The following MACROD2 variants were observed in gnomAD, a reference collection of about 807,000 sequenced individuals.
The protein encoded by MACROD2 is ADP-ribose glycohydrolase MACROD2.
MACROD2 carries 36 observed loss-of-function variants against 70.4 expected under a neutral mutation model. The ratio of observed to expected loss-of-function variants is 0.51; its 90% CI spans 0.39 to 0.68. MACROD2 has a LOEUF of 0.68. Among genes scored for constraint, MACROD2 ranks in the 30% least tolerant of loss-of-function variants. The pLI, the probability that MACROD2 is intolerant of heterozygous loss-of-function variation, is 0.00. For missense variants in MACROD2, 496 were observed against 538.4 expected, an observed-to-expected ratio of 0.92 and a Z score of 0.78; for synonymous variants, 172 against 178.8, an observed-to-expected ratio of 0.96 and a Z score of 0.30.
At chr20:14,381,825 T>A (rs948649753) in intron 3 of MACROD2, among the ~76,000 whole-genome samples, 3 of 152,130 alleles carry the variant, frequency 2.0e-5, no homozygotes, top group East Asian at 1.9e-4. Context: ...TTGATAACAC[T>A]CTCTGCCTTG....
chr20:15,328,975 C>T lies in MACROD2; in HGVS notation c.540+98914C>T, dbSNP rs111900688. Among the ~76,000 whole-genome samples, 925 of 151,984 alleles carry T rather than the reference C, an allele frequency of 6.1e-3. 11 individuals carry two copies. Among genetic ancestry groups the T allele is most frequent in the African/African-American group, 0.021 (871 of 41,432 alleles). On this transcript the variant is annotated intron_variant, in intron 6 of 17. Coordinates refer to ENST00000684519, the MANE Select transcript of MACROD2 (RefSeq NM_001351661.2). ...CAGCGATGAAGAAATGGTTAAAATACTATGGTGTATTTATAAGGTAAAACA... is the reference window on the plus strand; with the variant it reads ...CAGCGATGAAGAAATGGTTAAAATATTATGGTGTATTTATAAGGTAAAACA...
At chr20:14,576,396 A>G (rs1980602899) in intron 4 of MACROD2, among the ~76,000 whole-genome samples, 3 of 152,310 alleles carry the variant, frequency 2.0e-5, no homozygotes, top group African/African-American at 7.2e-5. Context: ...GGAAGCCCTT[A>G]TGAGAGCCCC....
intron 8 of MACROD2, among the ~76,000 whole-genome samples, chr20:15,573,360 A>G (rs899539353): frequency 7.2e-5 from 11 of 152,190 alleles, no homozygotes; most frequent in African/African-American, 2.2e-4. Flanking sequence ...GTTCATTGTA[A>G]GAAGGGCTGG....
At chr20:15,850,083 C>T (rs1283336496) in intron 8 of MACROD2, among the ~76,000 whole-genome samples, 1 of 152,078 alleles carries the variant, frequency 6.6e-6, no homozygotes, top group Non-Finnish European at 1.5e-5. Flanking sequence ...GATATCTGAC[C>T]AATTTTCTCC....
At chr20:14,058,933 C>A (rs1348306033) in intron 2 of MACROD2, among the ~76,000 whole-genome samples, 1 of 152,100 alleles carries the variant, frequency 6.6e-6, no homozygotes, top group Admixed American at 6.6e-5. Context: ...TGAGCCACTG[C>A]GTCTGGCCTG....
chr20:15,981,339 G>C (rs1164468466), intron 13 of MACROD2, among the ~76,000 whole-genome samples: 1 of 152,112 alleles, frequency 6.6e-6, no homozygotes, highest in Non-Finnish European at 1.5e-5. Flanking sequence ...TACAGTTTTT[G>C]CTTTAGACAA....
At chr20:14,693,192 G>T (rs1932953) in intron 5 of MACROD2, among the ~76,000 whole-genome samples, 28,875 of 152,104 alleles carry the variant, frequency 0.19, 3,062 homozygotes, top group Non-Finnish European at 0.24. Context: ...CACAGTGGGG[G>T]TAATCAGCCT....
intron 7 of MACROD2, among the ~76,000 whole-genome samples, chr20:15,442,290 C>A (rs959901086): frequency 1.3e-5 from 2 of 152,070 alleles, no homozygotes; most frequent in African/African-American, 4.8e-5. Flanking sequence ...GTGAACAAGA[C>A]CATATTAGTT....
intron 3 of MACROD2, among the ~76,000 whole-genome samples, chr20:14,440,406 C>T (rs6033962): frequency 0.02 from 3,080 of 151,810 alleles, 109 homozygotes; most frequent in African/African-American, 0.07. Context: ...GTATTTTATG[C>T]GTGGCCCAAG....
intron 5 of MACROD2, among the ~76,000 whole-genome samples, chr20:14,885,891 C>T (rs1182705901): frequency 6.6e-6 from 1 of 152,172 alleles, no homozygotes; most frequent in African/African-American, 2.4e-5. Flanking sequence ...TATTCATTCA[C>T]AGAGTATTCA....
intron 5 of MACROD2, among the ~76,000 whole-genome samples, chr20:14,970,322 C>T (rs751581255): frequency 2.6e-5 from 4 of 151,902 alleles, no homozygotes; most frequent in South Asian, 2.1e-4. Context: ...TAGTATATAT[C>T]GTTATTAGAT....
At chr20:15,297,059 C>T (rs978678671) in intron 6 of MACROD2, among the ~76,000 whole-genome samples, 2 of 152,172 alleles carry the variant, frequency 1.3e-5, no homozygotes, top group African/African-American at 4.8e-5. Flanking sequence ...GTTTCCAGTG[C>T]TGGGCGGCTT....
chr20:14,853,525 A>T (rs1374898911), intron 5 of MACROD2, among the ~76,000 whole-genome samples: 2 of 152,118 alleles, frequency 1.3e-5, no homozygotes, highest in Non-Finnish European at 2.9e-5. Flanking sequence ...AAAAAAATGA[A>T]GAAAGGCAAT....
chr20:15,064,506 C>G (rs973133024), intron 5 of MACROD2, among the ~76,000 whole-genome samples: 1 of 152,148 alleles, frequency 6.6e-6, no homozygotes, highest in African/African-American at 2.4e-5. Context: ...GCAGAATCTC[C>G]CTGAAACTTC....
At chr20:14,512,920 A>G (rs2085046738) in intron 4 of MACROD2, among the ~76,000 whole-genome samples, 1 of 152,108 alleles carries the variant, frequency 6.6e-6, no homozygotes, top group Non-Finnish European at 1.5e-5. Flanking sequence ...TGTGCAAATA[A>G]CAACAGATGA....
At chr20:15,655,138 TTGTG>T (rs1411655883) in intron 8 of MACROD2, among the ~76,000 whole-genome samples, 1 of 151,616 alleles carries the variant, frequency 6.6e-6, no homozygotes, top group Non-Finnish European at 1.5e-5. Context: ...CGTGTGTGTG[TTGTG>T]TGTATGTATG....
At chr20:15,805,240 A>G (rs1385213833) in intron 8 of MACROD2, among the ~76,000 whole-genome samples, 1 of 152,206 alleles carries the variant, frequency 6.6e-6, no homozygotes, top group Non-Finnish European at 1.5e-5. Flanking sequence ...AGAACTGGAT[A>G]GAATGGGCAA....
intron 8 of MACROD2, among the ~76,000 whole-genome samples, chr20:15,574,885 A>T (rs2048423471): frequency 6.6e-6 from 1 of 152,200 alleles, no homozygotes; most frequent in South Asian, 2.1e-4. Context: ...TAACAAGGTC[A>T]TGTATGAAAT....
At chr20:14,374,553 G>T (rs2083354835) in intron 3 of MACROD2, among the ~76,000 whole-genome samples, 1 of 152,092 alleles carries the variant, frequency 6.6e-6, no homozygotes, top group Non-Finnish European at 1.5e-5. Flanking sequence ...CTTCAGTCTT[G>T]CTAATAAGAA....
Sources: gnomAD v4.1 joint callset for allele counts (sites outside exome capture counted in the v4.1 genomes callset) on GRCh38, gnomAD v4.1.1 for gene constraint, MANE v1.5 for transcripts, NCBI Gene and HGNC (gene_info 2026-07-23, HGNC 2026-07-21) for gene names.